The following SRGAP1 variants were observed in gnomAD, a reference collection of about 807,000 sequenced individuals.
The protein encoded by SRGAP1 is SLIT-ROBO Rho GTPase-activating protein 1.
Under a neutral mutation model 121.9 loss-of-function variants are expected in SRGAP1, and 43 were observed. The observed-to-expected ratio is 0.35, with a 90% confidence interval of 0.28 to 0.46. The LOEUF (loss-of-function observed/expected upper bound fraction) is 0.46. Ranked by LOEUF, SRGAP1 falls within the 20% of genes least tolerant of loss-of-function variation. SRGAP1 has a pLI of 1.00. For synonymous variants in SRGAP1, 447 were observed against 485.4 expected, an observed-to-expected ratio of 0.92 and a Z score of 1.04; for missense variants, 1,102 against 1,350.9, an observed-to-expected ratio of 0.82 and a Z score of 2.89.
rs566235696 is a variant in SRGAP1, at chr12:63,945,520, A to G, written c.68-38427A>G. ...TTATTTAGGTACATTCCTAACAGCC[A>G]TCTTTTCCCCAGTACTCTTACTGCT... On this transcript the variant is annotated intron_variant, in intron 1 of 21. Transcript: ENST00000355086. 5.3e-5 allele frequency among the ~76,000 whole-genome samples: 8 copies of G among 151,970 alleles called. No individual in the cohort carries two copies. The South Asian group carries it at 1.0e-3, about 20-fold the overall frequency.
intron 18 of SRGAP1, among the ~76,000 whole-genome samples, chr12:64,117,585 G>A (rs2036542973): frequency 6.6e-6 from 1 of 152,066 alleles, no homozygotes; most frequent in Non-Finnish European, 1.5e-5. Flanking sequence ...TCTGTGTCTT[G>A]AGGTAATAAA....
chr12:64,041,423 C>T (rs1014682788), intron 4 of SRGAP1, among the ~76,000 whole-genome samples: 1 of 151,732 alleles, frequency 6.6e-6, no homozygotes, highest in Non-Finnish European at 1.5e-5. Context: ...CTCACTCTGT[C>T]ACCCAGGCTG....
intron 4 of SRGAP1, among the ~76,000 whole-genome samples, chr12:64,021,905 G>C (rs2034558798): frequency 6.6e-6 from 1 of 152,078 alleles, no homozygotes; most frequent in Non-Finnish European, 1.5e-5. Flanking sequence ...AGCCTAATTT[G>C]CTAATTCTTT....
chr12:64,063,619 G>C (rs1243401246), intron 7 of SRGAP1, among the ~76,000 whole-genome samples: 1 of 151,896 alleles, frequency 6.6e-6, no homozygotes, highest in African/African-American at 2.4e-5. Context: ...GACTGTTTTA[G>C]ATCCTTTATA....
At chr12:63,931,529 A>G (rs2031475662) in intron 1 of SRGAP1, among the ~76,000 whole-genome samples, 1 of 152,204 alleles carries the variant, frequency 6.6e-6, no homozygotes, top group Non-Finnish European at 1.5e-5. Flanking sequence ...TGGATGAAGC[A>G]CTGTGTTAAT....
chr12:64,062,698 G>T (rs1450515384), intron 6 of SRGAP1, among the ~76,000 whole-genome samples: 1 of 151,960 alleles, frequency 6.6e-6, no homozygotes, highest in South Asian at 2.1e-4. Flanking sequence ...TTGTATTTTA[G>T]TAGAGACGGG....
chr12:64,099,201 A>G (rs999932321), intron 15 of SRGAP1, among the ~76,000 whole-genome samples: 1 of 152,214 alleles, frequency 6.6e-6, no homozygotes, highest in African/African-American at 2.4e-5. Flanking sequence ...TCTGCATCTC[A>G]GTTTCCTCAC....
At chr12:64,072,588 G>C (rs899922036) in intron 8 of SRGAP1, among the ~76,000 whole-genome samples, 7 of 152,084 alleles carry the variant, frequency 4.6e-5, no homozygotes, top group Admixed American at 2.6e-4. Flanking sequence ...AAGAGACATA[G>C]GGAGAAGATG....
At chr12:64,079,885 A>G (rs1254119302) in intron 9 of SRGAP1, among the ~76,000 whole-genome samples, 1 of 152,248 alleles carries the variant, frequency 6.6e-6, no homozygotes, top group East Asian at 1.9e-4. Context: ...TCTGGCGTCT[A>G]GAAGATCAAA....
intron 4 of SRGAP1, among the ~76,000 whole-genome samples, chr12:64,041,264 C>T (rs1323702333): frequency 6.6e-6 from 1 of 151,912 alleles, no homozygotes; most frequent in Non-Finnish European, 1.5e-5. Context: ...GGAAAATATG[C>T]TGATATCTAA....
intron 1 of SRGAP1, among the ~76,000 whole-genome samples, chr12:63,963,884 C>A (rs1404121256): frequency 6.6e-6 from 1 of 152,082 alleles, no homozygotes; most frequent in Non-Finnish European, 1.5e-5. Context: ...ACCCAGTATA[C>A]CCAAATAGAA....
At chr12:63,972,906 G>C (rs1036646425) in intron 1 of SRGAP1, among the ~76,000 whole-genome samples, 1 of 151,990 alleles carries the variant, frequency 6.6e-6, no homozygotes, top group African/African-American at 2.4e-5. Flanking sequence ...CCCAGCACTT[G>C]GGAGGCCGAG....
chr12:64,034,296 A>C (rs1347447867), intron 4 of SRGAP1, among the ~76,000 whole-genome samples: 2 of 152,044 alleles, frequency 1.3e-5, no homozygotes, highest in Non-Finnish European at 2.9e-5. Flanking sequence ...TTCTCTGGAC[A>C]CATAAGACAT....
At chr12:63,872,873 G>A (rs914716563) in intron 1 of SRGAP1, among the ~76,000 whole-genome samples, 1 of 152,154 alleles carries the variant, frequency 6.6e-6, no homozygotes, top group African/African-American at 2.4e-5. Flanking sequence ...TGGGAATATT[G>A]TGGAGGAAGA....
intron 1 of SRGAP1, among the ~76,000 whole-genome samples, chr12:63,897,145 G>C (rs1900781123): frequency 6.6e-6 from 1 of 152,182 alleles, no homozygotes; most frequent in African/African-American, 2.4e-5. Flanking sequence ...CTCACATTTT[G>C]TGATGCAAAT....
Position 64,042,875 on chromosome 12 carries a change from A to G in SRGAP1, c.575A>G (p.Gln192Arg). The G allele has an allele frequency of 6.2e-7, 1 of 1,613,878 alleles. No homozygotes were observed. The highest frequency in any genetic ancestry group is 8.5e-7 in the Non-Finnish European group (1 of 1,179,836). Residue 192 changes from glutamine (Q) to arginine (R), a missense_variant, in exon 5 of 22, where the codon CAA becomes CGA. Around this residue, in one of 3 missense-constraint regions of SRGAP1, gnomAD observed 747 missense variants for 929.4 expected, o/e 0.80. Transcript: ENST00000355086. ...GAGGCCGAAAAACAAGAGGAAAAGC[A>G]AATTGGGAGATCTGGTGATCCAGTC... The part of the protein sequence containing the change: ...LKEAEKQEEK[Q>R]IGRSGDPVFH...
At chr12:63,994,624 CCTT>C (rs1304300214) in intron 3 of SRGAP1, among the ~76,000 whole-genome samples, 2 of 152,174 alleles carry the variant, frequency 1.3e-5, no homozygotes, top group African/African-American at 4.8e-5. Flanking sequence ...TAATTCCAGA[CCTT>C]CTACTAGATG....
intron 1 of SRGAP1, among the ~76,000 whole-genome samples, chr12:63,865,142 T>A (rs549362840): frequency 6.6e-6 from 1 of 152,214 alleles, no homozygotes; most frequent in Non-Finnish European, 1.5e-5. Flanking sequence ...TTTTTGCCAA[T>A]GAAAAATAAG....
chr12:64,028,156 C>T (rs1459697942), intron 4 of SRGAP1, among the ~76,000 whole-genome samples: 4 of 152,254 alleles, frequency 2.6e-5, no homozygotes, highest in Non-Finnish European at 4.4e-5. Flanking sequence ...CCTTTGCCAC[C>T]AAAGGCTGTT....
Sources: gnomAD v4.1 joint callset for allele counts (sites outside exome capture counted in the v4.1 genomes callset) on GRCh38, gnomAD v4.1.1 for gene constraint, gnomAD v4.1.1 regional missense constraint, MANE v1.5 for transcripts, NCBI Gene and HGNC (gene_info 2026-07-23, HGNC 2026-07-21) for gene names.